The following APOBR variants were observed in gnomAD, a reference collection of about 807,000 sequenced individuals.
The protein encoded by APOBR is apolipoprotein B receptor.
APOBR carries 57 observed loss-of-function variants against 88.5 expected under a neutral mutation model. That is an observed-to-expected ratio of 0.64 (90% CI 0.52 to 0.80). The LOEUF (loss-of-function observed/expected upper bound fraction) is 0.80, where lower values mean the gene tolerates loss of function less well. APOBR is among the 30% of genes least tolerant of loss of function. The probability of loss-of-function intolerance (pLI) is 0.00; values close to 1 mark genes in which losing one functional copy is unlikely to be tolerated. For synonymous variants in APOBR, 588 were observed against 572.7 expected, an observed-to-expected ratio of 1.03 and a Z score of -0.38; for missense variants, 1,443 against 1,401.6, an observed-to-expected ratio of 1.03 and a Z score of -0.47.
Position 28,496,799 on chromosome 16 carries a change from G to C in APOBR, c.1758G>C (p.Glu586Asp). 1.3e-6 allele frequency: 2 copies of C among 1,566,284 alleles called. No individual in the cohort carries two copies. The highest frequency in any genetic ancestry group is 4.7e-5 in the East Asian group (2 of 42,392). Reference sequence around the variant, plus strand: ...AGGAAAGGGAGGCAGGGGAGGTGGAGCTCATGGGAGTTCTGGCCCTGAGCA... The same window carrying C: ...AGGAAAGGGAGGCAGGGGAGGTGGACCTCATGGGAGTTCTGGCCCTGAGCA... Reference protein sequence around the residue: ...QPEEREAGEVELMGVLALSKE... With the variant: ...QPEEREAGEVDLMGVLALSKE... The change falls in exon 2 of 4, where the codon GAG (glutamate) becomes GAC (aspartate). Residue 586 changes from glutamate (E) to aspartate (D), a missense_variant. Transcript: ENST00000564831.
Position 28,495,976 on chromosome 16 carries a change from C to T in APOBR, c.935C>T (p.Thr312Ile), listed in dbSNP as rs1247544623. 4 of 1,603,156 alleles carry T rather than the reference C, an allele frequency of 2.5e-6. No homozygotes were observed. Among genetic ancestry groups the T allele is most frequent in the African/African-American group, 2.8e-5 (2 of 71,774 alleles). The change falls in exon 2 of 4, where the codon ACA (threonine) becomes ATA (isoleucine). Residue 312 changes from threonine (T) to isoleucine (I), a missense_variant. Thr to Ile is a moderately conservative substitution (Grantham distance 89). Transcript: ENST00000564831. ...RTISGGEEAE[T>I]ASGGEEAETA... ...ATCTCAGGCGGGGAGGAGGCTGAGA[C>T]AGCCTCAGGCGGGGAGGAGGCTGAA... is the stretch of plus-strand genomic sequence containing the variant.
Position 28,496,971 on chromosome 16 carries a change from G to T in APOBR, c.1930G>T (p.Gly644Cys). 6.4e-7 allele frequency: 1 copy of T among 1,559,442 alleles called. No individual in the cohort carries two copies. The highest frequency in any genetic ancestry group is 2.3e-5 in the East Asian group (1 of 42,812). Reference protein sequence around the residue: ...RGNTQEDAADGEQREEEETAG... With the variant: ...RGNTQEDAADCEQREEEETAG... The stretch of plus-strand genomic sequence containing the variant: ...AAATACTCAGGAGGATGCGGCCGAT[G>T]GCGAGCAGCGGGAGGAGGAGGAGAC... The change falls in exon 2 of 4, where the codon GGC becomes TGC. Residue 644 changes from glycine (G) to cysteine (C), a missense_variant. Gly to Cys is a radical substitution (Grantham distance 159, BLOSUM62 -3). Coordinates refer to ENST00000564831, the MANE Select transcript of APOBR (RefSeq NM_018690.4).
At position 28,496,795 on chromosome 16, in the gene APOBR, T is replaced by C. The variant is rs773407634; in HGVS notation, c.1754T>C (p.Val585Ala). The C allele has an allele frequency of 7.7e-6, 12 of 1,565,406 alleles. No individual in the cohort carries two copies. In the South Asian group the frequency reaches 1.2e-4, roughly 15 times the overall value. The change falls in exon 2 of 4, where the codon GTG (valine) becomes GCG (alanine). Residue 585 changes from valine to alanine, a missense_variant. By Grantham distance (64) the Val-to-Ala change is moderately conservative. Transcript: ENST00000564831. ...KQPEEREAGE[V>A]ELMGVLALSK... ...CCCGAGGAAAGGGAGGCAGGGGAGG[T>C]GGAGCTCATGGGAGTTCTGGCCCTG...
rs1253437106 is a variant in APOBR at position 28,498,574 on chromosome 16, C to G, written c.*69C>G. ...GAAGGCTTGCTCCAATGCCACTGAGCCCTGCTCCCTCTGCCACTGTGGACA... is the reference window on the plus strand; with the variant it reads ...GAAGGCTTGCTCCAATGCCACTGAGGCCTGCTCCCTCTGCCACTGTGGACA... On this transcript the variant is annotated 3_prime_UTR_variant, in exon 4 of 4. Transcript: ENST00000564831. 9 of 1,503,630 alleles carry G rather than the reference C, an allele frequency of 6.0e-6. No homozygotes were observed. Among genetic ancestry groups the G allele is most frequent in the Middle Eastern group, 4.0e-4 (2 of 5,010 alleles). The allele number at this position is 1,503,630 out of a possible 1,614,324, so 93.1% of individuals were successfully genotyped here.
chr16:28,497,153 CG>C lies in APOBR; in HGVS notation c.2114del (p.Gly705GlufsTer115). The C allele has an allele frequency of 6.2e-7, 1 of 1,606,088 alleles. No homozygotes were observed. The highest frequency in any genetic ancestry group is 8.5e-7 in the Non-Finnish European group (1 of 1,176,654). On this transcript the variant is annotated frameshift_variant, in exon 2 of 4. Coordinates refer to ENST00000564831, the MANE Select transcript of APOBR (RefSeq NM_018690.4). LOFTEE classifies it high-confidence loss of function. ...ASVSENQELD[G>X]STGADAGPCP... ...CTGTCTCAGAGAACCAGGAGCTGGA[CG>C]GAAGCACAGGGGCAGACGCAGGGCC...
At position 28,497,397 on chromosome 16, in the gene APOBR, C is replaced by T; in HGVS notation, c.2356C>T (p.Leu786Phe). 3 of 1,613,014 alleles carry T rather than the reference C, an allele frequency of 1.9e-6. No individual in the cohort carries two copies. Among genetic ancestry groups the T allele is most frequent in the African/African-American group, 2.7e-5 (2 of 74,996 alleles). ...CGCTGGTGAAGCTTTGGAAGGGGTG[C>T]TTGGGCAAGGCTGGGACTCGAAAGA... ...AGAGEALEGV[L>F]GQGWDSKEKE... Residue 786 changes from leucine (L) to phenylalanine (F), a missense_variant, in exon 2 of 4, where the codon CTT (leucine) becomes TTT (phenylalanine). Coordinates refer to ENST00000564831, the MANE Select transcript of APOBR (RefSeq NM_018690.4).
Position 28,496,385 on chromosome 16 carries a change from A to G in APOBR, c.1344A>G (p.Glu448=), listed in dbSNP as rs746292267. ...CTGAGAGCCAGACCGCAGGGAGGGA[A>G]GCTGTGGGAGGCCAGGAGGCAGGGG... ...EAAESQTAGR[E]AVGGQEAGES... is the part of the protein sequence containing the mutation. The change falls in exon 2 of 4, where the codon GAA becomes GAG. Residue 448 remains glutamate (E), a synonymous_variant. Coordinates refer to ENST00000564831, the MANE Select transcript of APOBR (RefSeq NM_018690.4). 4.4e-6 allele frequency: 7 copies of G among 1,607,898 alleles called. No homozygotes were observed. The highest frequency in any genetic ancestry group is 1.1e-5 in the South Asian group (1 of 90,174).
Position 28,496,293 on chromosome 16 carries a change from G to A in APOBR, c.1252G>A (p.Glu418Lys). The A allele has an allele frequency of 6.3e-7, 1 of 1,594,072 alleles. No homozygotes were observed. The highest frequency in any genetic ancestry group is 8.5e-7 in the Non-Finnish European group (1 of 1,171,320). ...VLEEEGDEER[E>K]AEVSPFPKQP... Reference sequence around the variant, plus strand: ...AGAGGAGGAGGGGGATGAGGAGAGAGAGGCTGAGGTGAGCCCTTTCCCCAA... The same window carrying A: ...AGAGGAGGAGGGGGATGAGGAGAGAAAGGCTGAGGTGAGCCCTTTCCCCAA... Residue 418 changes from glutamate to lysine, a missense_variant, in exon 2 of 4, where the codon GAG (glutamate) becomes AAG (lysine). Transcript: ENST00000564831.
In APOBR at chr16:28,497,815, C is replaced by G; in HGVS notation, c.2774C>G (p.Thr925Ser). Residue 925 changes from threonine (T) to serine (S), a missense_variant, in exon 2 of 4, where the codon ACC becomes AGC. Physicochemically the swap from Thr to Ser is moderately conservative, Grantham distance 58. Transcript: ENST00000564831. ...RLLDAEGLMV[T>S]GGRRAEAKET... is the part of the protein sequence containing the mutation. ...CTTGATGCAGAGGGTCTCATGGTGA[C>G]CGGGGGCCGGAGGGCAGAGGCCAAG... The G allele has an allele frequency of 6.2e-7, 1 of 1,606,656 alleles. No homozygotes were observed. Among genetic ancestry groups the G allele is most frequent in the Non-Finnish European group, 8.5e-7 (1 of 1,176,790 alleles).
chr16:28,494,782 T>G (rs775199732), intron 1 of APOBR, 44 bp downstream of exon 1: 2 of 1,568,608 alleles, frequency 1.3e-6, no homozygotes, highest in South Asian at 1.1e-5. Flanking sequence ...CCCCATTCCC[T>G]GGGGCCTCAC....
Position 28,496,642 on chromosome 16 carries a change from G to T in APOBR, c.1601G>T (p.Gly534Val). ...PEARPEEELT[G>V]EESEAAQTSC... ...GCCAGGCCTGAGGAGGAGCTCACAG[G>T]GGAGGAGAGTGAGGCGGCCCAGACT... The change falls in exon 2 of 4, where the codon GGG (glycine) becomes GTG (valine). Residue 534 changes from glycine to valine, a missense_variant. Coordinates refer to ENST00000564831, the MANE Select transcript of APOBR (RefSeq NM_018690.4). The T allele has an allele frequency of 6.3e-7, 1 of 1,599,482 alleles. No individual in the cohort carries two copies. Among genetic ancestry groups the T allele is most frequent in the South Asian group, 1.1e-5 (1 of 88,982 alleles).
In APOBR at chr16:28,495,544, A is replaced by G. The variant is rs1342407786; in HGVS notation, c.503A>G (p.Asn168Ser). 1 of 1,567,858 alleles carries G rather than the reference A, an allele frequency of 6.4e-7. No individual in the cohort carries two copies. Among genetic ancestry groups the G allele is most frequent in the Non-Finnish European group, 8.6e-7 (1 of 1,156,638 alleles). ...ERQESHEQEV[N>S]REERLRSWEQ... ...CAGGAGTCCCATGAGCAGGAAGTGA[A>G]CAGAGAAGAGAGGCTGAGAAGCTGG... The change falls in exon 2 of 4, where the codon AAC becomes AGC. Residue 168 changes from asparagine to serine, a missense_variant. Transcript: ENST00000564831.
chr16:28,495,684 C>A lies in APOBR; in HGVS notation c.643C>A (p.Pro215Thr), dbSNP rs1407535184. 3 of 1,534,550 alleles carry A rather than the reference C, an allele frequency of 2.0e-6. No homozygotes were observed. In the South Asian group the frequency reaches 3.7e-5, roughly 19 times the overall value. ...GGAGGGGAAGGCTGGTGCTGTTGGG[C>A]CAAAGGCGGCAGGGGACAACCGGGA... ...ETEGKAGAVGPKAAGDNREME... is the reference protein window; with the variant it reads ...ETEGKAGAVGTKAAGDNREME... The change falls in exon 2 of 4, where the codon CCA (proline) becomes ACA (threonine). Residue 215 changes from proline to threonine, a missense_variant. Physicochemically the swap from Pro to Thr is conservative, Grantham distance 38. Transcript: ENST00000564831.
chr16:28,496,430 A>G lies in APOBR; in HGVS notation c.1389A>G (p.Val463=), dbSNP rs2141732153. 2 of 1,612,420 alleles carry G rather than the reference A, an allele frequency of 1.2e-6. No homozygotes were observed. Among genetic ancestry groups the G allele is most frequent in the East Asian group, 4.5e-5 (2 of 44,800 alleles). The change falls in exon 2 of 4, where the codon GTA becomes GTG. Residue 463 remains valine, a synonymous_variant. Transcript: ENST00000564831. ...QEAGESFEGQ[V]DLRGKEAEMR... is the part of the protein sequence containing the mutation. ...CAGGGGAGAGCTTTGAGGGCCAGGT[A>G]GACCTGCGTGGTAAGGAGGCTGAGA...
In APOBR at chr16:28,496,924, C is replaced by G. The variant is rs13306186; in HGVS notation, c.1883C>G (p.Thr628Arg). ...TTCCCAGGAGCCTGGGAAAACCGCACGAGAAAGGACATGGAGAGAGGAAAT... is the reference window on the plus strand; with the variant it reads ...TTCCCAGGAGCCTGGGAAAACCGCAGGAGAAAGGACATGGAGAGAGGAAAT... ...EAFPGAWENR[T>R]RKDMERGNTQ... The change falls in exon 2 of 4, where the codon ACG becomes AGG. Residue 628 changes from threonine (T) to arginine (R), a missense_variant. Coordinates refer to ENST00000564831, the MANE Select transcript of APOBR (RefSeq NM_018690.4). 5.6e-4 allele frequency: 876 copies of G among 1,559,166 alleles called. 17 individuals are homozygous for G. The East Asian group carries it at 0.019, about 34-fold the overall frequency.
Position 28,496,352 on chromosome 16 carries a change from A to T in APOBR, c.1311A>T (p.Glu437Asp). 6.3e-7 allele frequency: 1 copy of T among 1,593,502 alleles called. No individual in the cohort carries two copies. The highest frequency in any genetic ancestry group is 1.1e-5 in the South Asian group (1 of 87,922). ...QPQVLGTERT[E>D]EAAESQTAGR... ...AGGTCCTGGGCACTGAAAGAACAGA[A>T]GAGGCTGCTGAGAGCCAGACCGCAG... The change falls in exon 2 of 4, where the codon GAA becomes GAT. Residue 437 changes from glutamate to aspartate, a missense_variant. Coordinates refer to ENST00000564831, the MANE Select transcript of APOBR (RefSeq NM_018690.4).
chr16:28,494,767 T>C (rs1366716799), intron 1 of APOBR, 29 bp downstream of exon 1: 3 of 1,591,276 alleles, frequency 1.9e-6, no homozygotes, highest in Admixed American at 3.5e-5. Flanking sequence ...TGCCAGATAC[T>C]TGCACCCCAT....
Position 28,495,858 on chromosome 16 carries a change from G to A in APOBR, c.817G>A (p.Glu273Lys), listed in dbSNP as rs140393803. 4.2e-4 allele frequency: 671 copies of A among 1,610,358 alleles called. 1 individual carries two copies. In the African/African-American group the frequency reaches 8.2e-3, roughly 20 times the overall value. Residue 273 changes from glutamate (E) to lysine (K), a missense_variant, in exon 2 of 4, where the codon GAG (glutamate) becomes AAG (lysine). Coordinates refer to ENST00000564831, the MANE Select transcript of APOBR (RefSeq NM_018690.4). ...WGTWGPGAEPEDWGILGREEA... is the reference protein window; with the variant it reads ...WGTWGPGAEPKDWGILGREEA... ...GACGTGGGGCCCAGGGGCAGAGCCT[G>A]AGGACTGGGGAATCTTAGGCAGAGA...
chr16:28,497,641 G>A lies in APOBR; in HGVS notation c.2600G>A (p.Gly867Glu). The change falls in exon 2 of 4, where the codon GGG (glycine) becomes GAG (glutamate). Residue 867 changes from glycine (G) to glutamate (E), a missense_variant. Transcript: ENST00000564831. ...GGCTCCCAGACAGCGAGGGCAGAGG[G>A]GATGGGAGCCATGGTGGAGGCTGGG... ...PAGSQTARAEGMGAMVEAGGL... is the reference protein window; with the variant it reads ...PAGSQTARAEEMGAMVEAGGL... 6.2e-7 allele frequency: 1 copy of A among 1,605,008 alleles called. No homozygotes were observed. Among genetic ancestry groups the A allele is most frequent in the South Asian group, 1.1e-5 (1 of 89,736 alleles).
Sources: gnomAD v4.1 joint callset for allele counts on GRCh38, gnomAD v4.1.1 for gene constraint, MANE v1.5 for transcripts, NCBI Gene and HGNC (gene_info 2026-07-23, HGNC 2026-07-21) for gene names.